PTPRN2: variants seen among roughly 807,000 people sequenced by gnomAD.
The protein encoded by PTPRN2 is protein tyrosine phosphatase receptor type N2, also known as receptor-type tyrosine-protein phosphatase N2.
A neutral mutation model predicts 118.8 loss-of-function variants in PTPRN2; 74 were observed. The ratio of observed to expected loss-of-function variants is 0.62; its 90% CI spans 0.52 to 0.76. The LOEUF is 0.76. PTPRN2 is among the 30% of genes least tolerant of loss of function. The pLI, the probability that PTPRN2 is intolerant of heterozygous loss-of-function variation, is 0.00. For synonymous variants in PTPRN2, 641 were observed against 608.0 expected (o/e 1.05, Z -0.80); for missense variants, 1,481 against 1,394.4 (o/e 1.06, Z -0.99).
At chr7:158,255,250 T>C (rs1284389719) in intron 3 of PTPRN2, among the ~76,000 whole-genome samples, 2 of 152,100 alleles carry the variant, frequency 1.3e-5, no homozygotes, top group African/African-American at 4.8e-5. Flanking sequence ...CTGAGGAAGA[T>C]GTTTGGGGCT....
intron 1 of PTPRN2, among the ~76,000 whole-genome samples, chr7:158,537,814 G>T (rs568081176): frequency 6.6e-6 from 1 of 152,170 alleles, no homozygotes; most frequent in Non-Finnish European, 1.5e-5. Context: ...TCTCACCAGC[G>T]CTTTCAGCCT....
chr7:158,568,355 G>T (rs147432885), intron 1 of PTPRN2, among the ~76,000 whole-genome samples: 2 of 151,994 alleles, frequency 1.3e-5, no homozygotes, highest in African/African-American at 4.8e-5. Context: ...GAGATGAACC[G>T]CCCAAGCTCA....
intron 11 of PTPRN2, among the ~76,000 whole-genome samples, chr7:157,951,414 C>T (rs987319800): frequency 3.9e-5 from 6 of 152,184 alleles, no homozygotes; most frequent in Non-Finnish European, 7.4e-5. Flanking sequence ...GGTGCACACA[C>T]CCCTTTCCAT....
rs1272821124 is a variant in PTPRN2 at position 158,544,411 on chromosome 7, G to A, written c.112+43147C>T. Among the ~76,000 whole-genome samples the A allele has an allele frequency of 6.6e-6, 1 of 152,098 alleles. No individual in the cohort carries two copies. The highest frequency in any genetic ancestry group is 1.5e-5 in the Non-Finnish European group (1 of 68,018). ...AGCACTTTGGGAGGCCAAGGCGGAT[G>A]GATCACTTGAGGTCAGGAGTTTGAG... On this transcript the variant is annotated intron_variant, in intron 1 of 22. Transcript: ENST00000389418. This position sits in a 1 kb window ranked among gnomAD's most constrained non-coding sequence, Gnocchi z 4.2.
intron 1 of PTPRN2, among the ~76,000 whole-genome samples, chr7:158,504,550 A>G (rs537262344): frequency 6.6e-5 from 10 of 152,350 alleles, no homozygotes; most frequent in African/African-American, 2.2e-4. Context: ...ACGGCTGCAT[A>G]GTAGTCCATG....
At position 158,003,230 on chromosome 7, in the gene PTPRN2, C is replaced by T. The variant is rs1244787887; in HGVS notation, c.1723+78068G>A. ...GAGATCGAGACCATCTTGGCTAACACGGTGAAACCCCGTTTCTACTAAAAA... is the reference window on the plus strand; with the variant it reads ...GAGATCGAGACCATCTTGGCTAACATGGTGAAACCCCGTTTCTACTAAAAA... On this transcript the variant is annotated intron_variant, in intron 11 of 22. Transcript: ENST00000389418. This position sits in a 1 kb window ranked among gnomAD's most constrained non-coding sequence, Gnocchi z 5.0. Among the ~76,000 whole-genome samples, 10 of 151,646 alleles carry T rather than the reference C, an allele frequency of 6.6e-5. No individual in the cohort carries two copies. The highest frequency in any genetic ancestry group is 2.1e-4 in the South Asian group (1 of 4,782).
intron 3 of PTPRN2, among the ~76,000 whole-genome samples, chr7:158,301,617 A>G (rs1303013110): frequency 2.0e-5 from 3 of 152,212 alleles, no homozygotes; most frequent in South Asian, 2.1e-4. Context: ...ACACTTCCTG[A>G]GGATTTAATG....
In PTPRN2 at chr7:157,813,691, A is replaced by T. The variant is rs1006680370; in HGVS notation, c.1788+84982T>A. ...GTATTTTCCAGATGTCCACTGAGGA[A>T]TGAGCATTGCTTTTTAATTAGCAGC... On this transcript the variant is annotated intron_variant, in intron 12 of 22. Coordinates refer to ENST00000389418, the MANE Select transcript of PTPRN2 (RefSeq NM_002847.5). The surrounding 1 kb of genome is among the most constrained non-coding windows in gnomAD (Gnocchi z 4.7). Among the ~76,000 whole-genome samples the T allele has an allele frequency of 1.3e-5, 2 of 151,918 alleles. No homozygotes were observed. Among genetic ancestry groups the T allele is most frequent in the Non-Finnish European group, 2.9e-5 (2 of 68,030 alleles).
chr7:157,751,524 G>A (rs956408478), intron 12 of PTPRN2, among the ~76,000 whole-genome samples: 5 of 152,124 alleles, frequency 3.3e-5, no homozygotes, highest in Non-Finnish European at 7.4e-5. Flanking sequence ...GAGTGCGCTC[G>A]CTCGGGAGGT....
chr7:157,589,417 G>T (rs543096032), intron 17 of PTPRN2, among the ~76,000 whole-genome samples: 1 of 152,314 alleles, frequency 6.6e-6, no homozygotes, highest in Admixed American at 6.5e-5. Context: ...TTTGGCAGGT[G>T]GGAGGCGTCT....
In PTPRN2 at chr7:157,726,718, C is replaced by T. The variant is rs554959864; in HGVS notation, c.1789-43781G>A. Among the ~76,000 whole-genome samples, 6 of 152,304 alleles carry T rather than the reference C, an allele frequency of 3.9e-5. No homozygotes were observed. The East Asian group carries it at 9.6e-4, about 24-fold the overall frequency. On this transcript the variant is annotated intron_variant, in intron 12 of 22. Coordinates refer to ENST00000389418, the MANE Select transcript of PTPRN2 (RefSeq NM_002847.5). ...CACCATCCAGAGAGCGAAAAGACAA[C>T]CCATATAAAGGGGGAAAAGATTTGC...
intron 2 of PTPRN2, among the ~76,000 whole-genome samples, chr7:158,435,977 A>T (rs1350048396): frequency 1.3e-5 from 2 of 152,224 alleles, no homozygotes; most frequent in Non-Finnish European, 2.9e-5. Flanking sequence ...CTGCAGGATG[A>T]ACGAGTGCTA....
intron 2 of PTPRN2, among the ~76,000 whole-genome samples, chr7:158,386,879 A>ACC (rs1811426474): frequency 2.6e-5 from 4 of 152,078 alleles, no homozygotes; most frequent in Admixed American, 6.6e-5. Context: ...GGTGTTAGCA[A>ACC]TCTGCCACCC....
intron 12 of PTPRN2, among the ~76,000 whole-genome samples, chr7:157,687,288 A>T (rs1365100393): frequency 1.3e-5 from 2 of 152,102 alleles, no homozygotes; most frequent in African/African-American, 4.8e-5. Context: ...CTCAATTGTG[A>T]GAGCTGATAC....
At chr7:157,906,829 T>C (rs915593260) in intron 11 of PTPRN2, among the ~76,000 whole-genome samples, 1 of 152,168 alleles carries the variant, frequency 6.6e-6, no homozygotes, top group African/African-American at 2.4e-5. Flanking sequence ...CCACGTGTCC[T>C]GAGCCCCTCT....
intron 11 of PTPRN2, among the ~76,000 whole-genome samples, chr7:157,956,034 G>A (rs1801167174): frequency 1.3e-5 from 2 of 152,202 alleles, no homozygotes; most frequent in South Asian, 2.1e-4. Context: ...ACTGCCCCAG[G>A]CCATTCGTGT....
At chr7:158,101,329 TA>T (rs1259354486) in intron 10 of PTPRN2, among the ~76,000 whole-genome samples, 1 of 152,146 alleles carries the variant, frequency 6.6e-6, no homozygotes, top group East Asian at 1.9e-4. Context: ...TGTAGAAGAA[TA>T]AAACTGGATC....
chr7:158,440,925 A>G (rs1181051022), intron 2 of PTPRN2, among the ~76,000 whole-genome samples: 4 of 116,542 alleles, frequency 3.4e-5, no homozygotes, highest in Non-Finnish European at 5.2e-5. Flanking sequence ...TGGTAGTGAT[A>G]GTGGTGATGG....
intron 21 of PTPRN2, among the ~76,000 whole-genome samples, chr7:157,554,660 C>T (rs1009496665): frequency 1.3e-5 from 2 of 152,152 alleles, no homozygotes; most frequent in African/African-American, 4.8e-5. Flanking sequence ...ACAGAAAGGC[C>T]CAGTGGTGTG....
Sources: gnomAD v4.1 joint callset for allele counts (sites outside exome capture counted in the v4.1 genomes callset) on GRCh38, gnomAD v4.1.1 for gene constraint, Gnocchi (gnomAD v3.1) non-coding constraint, MANE v1.5 for transcripts, NCBI Gene and HGNC (gene_info 2026-07-23, HGNC 2026-07-21) for gene names.